TMEM178B: variants seen among roughly 807,000 people sequenced by gnomAD.
TMEM178B encodes transmembrane protein 178B.
In TMEM178B, 5 loss-of-function variants were observed where a neutral mutation model predicts 31.0. The observed-to-expected ratio is 0.16, with a 90% CI of 0.08 to 0.34. TMEM178B has a LOEUF of 0.34. Ranked by LOEUF, TMEM178B falls within the 10% of genes least tolerant of loss-of-function variation. The pLI, the probability that TMEM178B is intolerant of heterozygous loss-of-function variation, is 1.00. For missense variants in TMEM178B, 275 were observed against 400.3 expected (o/e 0.69, Z 2.67); for synonymous variants, 164 against 164.0 (o/e 1.00, Z 0.00).
intron 2 of TMEM178B, among the ~76,000 whole-genome samples, chr7:141,300,558 C>A (rs188754183): frequency 6.6e-6 from 1 of 152,110 alleles, no homozygotes; most frequent in South Asian, 2.1e-4. Context: ...CTCCTCTCCG[C>A]GAGCTTGGAT....
At chr7:141,207,170 T>C (rs1796980394) in intron 1 of TMEM178B, among the ~76,000 whole-genome samples, 1 of 152,274 alleles carries the variant, frequency 6.6e-6, no homozygotes, top group African/African-American at 2.4e-5. Flanking sequence ...GCATATCGCA[T>C]GGATACAGCT....
At chr7:141,137,679 A>G (rs1163281840) in intron 1 of TMEM178B, among the ~76,000 whole-genome samples, 1 of 152,234 alleles carries the variant, frequency 6.6e-6, no homozygotes, top group Non-Finnish European at 1.5e-5. Context: ...AAGATTTTGA[A>G]TAATTCCAAT....
chr7:141,372,374 C>G (rs1242320364), intron 2 of TMEM178B, among the ~76,000 whole-genome samples: 7 of 152,182 alleles, frequency 4.6e-5, no homozygotes, highest in Admixed American at 3.9e-4. Context: ...CAGGTGCGCT[C>G]TTGCTCAGGA....
At chr7:141,384,382 A>G (rs1168102578) in intron 2 of TMEM178B, among the ~76,000 whole-genome samples, 2 of 152,112 alleles carry the variant, frequency 1.3e-5, no homozygotes, top group African/African-American at 4.8e-5. Flanking sequence ...ATCCATCTTG[A>G]ATTAATTTTT....
intron 2 of TMEM178B, among the ~76,000 whole-genome samples, chr7:141,234,369 C>G (rs1797494325): frequency 1.3e-5 from 2 of 152,000 alleles, no homozygotes; most frequent in Admixed American, 6.6e-5. Flanking sequence ...ACTTCCCAGA[C>G]AAGAGGGAAA....
rs568150995 is a variant in TMEM178B, at chr7:141,323,047, A to C, written c.496+110343A>C. Among the ~76,000 whole-genome samples, 34 of 152,316 alleles carry C rather than the reference A, an allele frequency of 2.2e-4. No homozygotes were observed. The South Asian group carries it at 7.0e-3, about 32-fold the overall frequency. Reference sequence around the variant, plus strand: ...TCTTCCTTTGGAATTCTGAAGTGCCAGTTGTCAAATAGCTTCTGGAAGGTT... The same window carrying C: ...TCTTCCTTTGGAATTCTGAAGTGCCCGTTGTCAAATAGCTTCTGGAAGGTT... On this transcript the variant is annotated intron_variant, in intron 2 of 3. Transcript: ENST00000565468.
chr7:141,429,063 TTGG>T (rs1801373330), intron 2 of TMEM178B, among the ~76,000 whole-genome samples: 1 of 152,164 alleles, frequency 6.6e-6, no homozygotes, highest in Non-Finnish European at 1.5e-5. Flanking sequence ...TTATACACTC[TTGG>T]TGGGAATGAA....
chr7:141,510,709 A>AAAAAAAG, the TMEM178B span, among the ~76,000 whole-genome samples: 4 of 135,044 alleles, frequency 3.0e-5, no homozygotes, highest in African/African-American at 1.4e-4. Context: ...AAAAAAAAAA[A>AAAAAAAG]AAAGAAAAAA....
In TMEM178B at chr7:141,275,279, AC is replaced by A. The variant is rs111487882; in HGVS notation, c.496+62578del. On this transcript the variant is annotated intron_variant, in intron 2 of 3. Transcript: ENST00000565468. ...CTGGGAAGAGTCCCAGCAAGGCTCT[AC>A]CCAAGTGTAGTACCTCTCCTAAGAA... 5.2e-4 allele frequency among the ~76,000 whole-genome samples: 79 copies of A among 152,342 alleles called. 1 individual carries two copies. The highest frequency in any genetic ancestry group is 1.7e-3 in the African/African-American group (71 of 41,574).
At chr7:141,383,338 A>G (rs1489921061) in intron 2 of TMEM178B, among the ~76,000 whole-genome samples, 1 of 150,670 alleles carries the variant, frequency 6.6e-6, no homozygotes, top group Non-Finnish European at 1.5e-5. Context: ...CATTTACATT[A>G]GGTGTGTCTC....
At chr7:141,288,263 C>T (rs550076155) in intron 2 of TMEM178B, among the ~76,000 whole-genome samples, 21 of 151,686 alleles carry the variant, frequency 1.4e-4, no homozygotes, top group South Asian at 1.0e-3. Flanking sequence ...CATGATCTTT[C>T]TTGCTTGAAG....
At chr7:141,507,084 C>T in the TMEM178B span, among the ~76,000 whole-genome samples, 1 of 152,172 alleles carries the variant, frequency 6.6e-6, no homozygotes, top group African/African-American at 2.4e-5. Flanking sequence ...GGTACAGCCT[C>T]CCTCCCAGCT....
At chr7:141,354,615 T>C (rs1799788168) in intron 2 of TMEM178B, among the ~76,000 whole-genome samples, 1 of 152,250 alleles carries the variant, frequency 6.6e-6, no homozygotes. Context: ...TTCCTACTTA[T>C]TCAACCATAT....
intron 2 of TMEM178B, among the ~76,000 whole-genome samples, chr7:141,313,989 G>T (rs1798958238): frequency 6.6e-6 from 1 of 152,200 alleles, no homozygotes; most frequent in Admixed American, 6.5e-5. Flanking sequence ...ATTCCAGTGA[G>T]ATCTGAGAGC....
intron 3 of TMEM178B, among the ~76,000 whole-genome samples, chr7:141,465,540 T>G (rs1396068385): frequency 6.6e-6 from 1 of 152,150 alleles, no homozygotes; most frequent in African/African-American, 2.4e-5. Context: ...CGGGATTCAA[T>G]CAATGTTTGT....
At chr7:141,305,226 T>C (rs898974941) in intron 2 of TMEM178B, among the ~76,000 whole-genome samples, 1 of 152,234 alleles carries the variant, frequency 6.6e-6, no homozygotes, top group Non-Finnish European at 1.5e-5. Flanking sequence ...AAAGCCATGA[T>C]TATAACCCTA....
chr7:141,472,654 C>G lies in TMEM178B; in HGVS notation c.*1868C>G, dbSNP rs565883012. The G allele has an allele frequency of 4.6e-5, 7 of 152,348 alleles. No individual in the cohort carries two copies. The highest frequency in any genetic ancestry group is 1.7e-4 in the African/African-American group (7 of 41,570). The allele number at this position is 152,348 out of a possible 1,614,324, so 9.4% of individuals were successfully genotyped here. A position where few individuals can be genotyped will look rare whatever the true frequency, so the allele number is the denominator to read the frequency against. The stretch of plus-strand genomic sequence containing the variant: ...GGGAGCTTTGCCAGGCACTCAGCAG[C>G]CTTTCTTCCACTGCTGTGTAATCTG... On this transcript the variant is annotated 3_prime_UTR_variant, in exon 4 of 4. Coordinates refer to ENST00000565468, the MANE Select transcript of TMEM178B (RefSeq NM_001195278.2).
intron 2 of TMEM178B, among the ~76,000 whole-genome samples, chr7:141,412,480 G>T (rs556397701): frequency 6.6e-6 from 1 of 152,274 alleles, no homozygotes; most frequent in South Asian, 2.1e-4. Context: ...TCTGCCTTGG[G>T]ATCATGGGCC....
chr7:141,235,327 G>C (rs2129192360), intron 2 of TMEM178B, among the ~76,000 whole-genome samples: 1 of 152,310 alleles, frequency 6.6e-6, no homozygotes, highest in South Asian at 2.1e-4. Context: ...AGTGTACACA[G>C]CAGGCTAGAA....
Sources: allele counts gnomAD v4.1 joint callset (sites outside exome capture counted in the v4.1 genomes callset), GRCh38; gene constraint gnomAD v4.1.1; transcripts MANE v1.5; gene names NCBI Gene and HGNC (gene_info 2026-07-23, HGNC 2026-07-21).